Variants in FAM135A observed in about 807,000 individuals in gnomAD.
FAM135A encodes the protein protein FAM135A.
Under a neutral mutation model 146.8 loss-of-function variants are expected in FAM135A, and 79 were observed. The ratio of observed to expected loss-of-function variants is 0.54; its 90% CI spans 0.45 to 0.65. The LOEUF (loss-of-function observed/expected upper bound fraction) is 0.65. Among genes scored for constraint, FAM135A ranks in the 30% least tolerant of loss-of-function variants. The pLI is 0.00. For synonymous variants in FAM135A, 562 were observed against 603.6 expected, an observed-to-expected ratio of 0.93 and a Z score of 1.01; for missense variants, 1,623 against 1,758.2, an observed-to-expected ratio of 0.92 and a Z score of 1.38.
chr6:70,543,309 C>T (rs980936348), intron 20 of FAM135A, among the ~76,000 whole-genome samples: 1 of 152,168 alleles, frequency 6.6e-6, no homozygotes, highest in East Asian at 1.9e-4. Flanking sequence ...TTCCATTCTA[C>T]TCTTGAAATA....
At position 70,525,923 on chromosome 6, in the gene FAM135A, A is replaced by G. The variant is rs762750967; in HGVS notation, c.2839A>G (p.Met947Val). The G allele has an allele frequency of 5.0e-6, 8 of 1,613,278 alleles. No homozygotes were observed. Among genetic ancestry groups the G allele is most frequent in the African/African-American group, 4.0e-5 (3 of 74,900 alleles). Reference sequence around the variant, plus strand: ...CAGCTCCAAACCTAACTTGGATACTATGTGTAAAGGCTTCCAGAGTCCTGA... The same window carrying G: ...CAGCTCCAAACCTAACTTGGATACTGTGTGTAAAGGCTTCCAGAGTCCTGA... Reference protein sequence around the residue: ...SCSSKPNLDTMCKGFQSPDKS... With the variant: ...SCSSKPNLDTVCKGFQSPDKS... The change falls in exon 15 of 22, where the codon ATG (methionine) becomes GTG (valine). Residue 947 changes from methionine (M) to valine (V), a missense_variant. By Grantham distance (21) the Met-to-Val change is conservative (BLOSUM62 1). Around this residue, in one of 7 missense-constraint regions of FAM135A, gnomAD observed 1,061 missense variants for 1,113.8 expected, o/e 0.95. Transcript: ENST00000418814.
Position 70,475,650 on chromosome 6 carries a change from A to G in FAM135A, c.298-13A>G. The G allele has an allele frequency of 6.2e-7, 1 of 1,604,990 alleles. No individual in the cohort carries two copies. The highest frequency in any genetic ancestry group is 1.7e-5 in the Admixed American group (1 of 58,600). The stretch of plus-strand genomic sequence containing the variant: ...AATTTCAAAAAGTATCTCATAGTGT[A>G]ATTTCTTTTCAGATTGAAGAAACCC... On this transcript the variant is annotated splice_polypyrimidine_tract_variant and intron_variant, in intron 6 of 21. Coordinates refer to ENST00000418814, the MANE Select transcript of FAM135A (RefSeq NM_001162529.3).
At chr6:70,527,729 C>T (rs1451308524) in intron 15 of FAM135A, among the ~76,000 whole-genome samples, 4 of 152,122 alleles carry the variant, frequency 2.6e-5, no homozygotes, top group South Asian at 2.1e-4. Context: ...TCATTGCAAA[C>T]GAGTATATAC....
intron 9 of FAM135A, 143 bp from the exon 10 acceptor site, chr6:70,481,858 C>T: frequency 1.3e-6 from 1 of 788,116 alleles, no homozygotes; most frequent in Non-Finnish European, 1.9e-6. Context: ...ATAAACAACT[C>T]TCAAATATTA....
At chr6:70,449,392 A>G (rs1456513322) in intron 4 of FAM135A, among the ~76,000 whole-genome samples, 3 of 152,104 alleles carry the variant, frequency 2.0e-5, no homozygotes, top group Non-Finnish European at 4.4e-5. Context: ...TTTGACTAAC[A>G]TCTCCTCTTT....
At chr6:70,496,033 A>G (rs1255325539) in intron 11 of FAM135A, among the ~76,000 whole-genome samples, 2 of 151,970 alleles carry the variant, frequency 1.3e-5, no homozygotes, top group African/African-American at 4.8e-5. Flanking sequence ...TACCTAGTCT[A>G]TTGTTGATGG....
At chr6:70,506,714 T>C (rs1156782206) in intron 12 of FAM135A, among the ~76,000 whole-genome samples, 1 of 150,926 alleles carries the variant, frequency 6.6e-6, no homozygotes, top group Non-Finnish European at 1.5e-5. Flanking sequence ...TATTTTTTTC[T>C]CTTTTTTTTT....
intron 10 of FAM135A, among the ~76,000 whole-genome samples, 163 bp downstream of exon 10, chr6:70,482,317 T>C (rs1783881686): frequency 6.6e-6 from 1 of 152,182 alleles, no homozygotes; most frequent in African/African-American, 2.4e-5. Context: ...ATAATCACTT[T>C]TTGCAATTTA....
At chr6:70,472,864 C>G (rs768705373) in intron 5 of FAM135A, among the ~76,000 whole-genome samples, 5 of 152,130 alleles carry the variant, frequency 3.3e-5, no homozygotes, top group Admixed American at 1.3e-4. Flanking sequence ...GATGCTTGTT[C>G]TTCTTGTTAC....
intron 4 of FAM135A, among the ~76,000 whole-genome samples, chr6:70,430,110 GC>G (rs1771188003): frequency 6.6e-6 from 1 of 152,082 alleles, no homozygotes; most frequent in African/African-American, 2.4e-5. Context: ...GCCAAGGCGG[GC>G]AGATCACCAG....
chr6:70,523,946 G>T lies in FAM135A; in HGVS notation c.1104-21G>T. ...GTATAATTTTTCTAAATTACAATCT[G>T]ACTGAAGAAATATTTTTCAGTGCTC... On this transcript the variant is annotated intron_variant, in intron 13 of 21. Coordinates refer to ENST00000418814, the MANE Select transcript of FAM135A (RefSeq NM_001162529.3). The T allele has an allele frequency of 1.9e-6, 3 of 1,591,090 alleles. No individual in the cohort carries two copies. The South Asian group carries it at 3.5e-5, about 19-fold the overall frequency.
At chr6:70,496,334 G>T (rs115003668) in intron 11 of FAM135A, among the ~76,000 whole-genome samples, 1 of 151,910 alleles carries the variant, frequency 6.6e-6, no homozygotes, top group Non-Finnish European at 1.5e-5. Context: ...CATATCCTTC[G>T]TCCACTTTTC....
intron 4 of FAM135A, among the ~76,000 whole-genome samples, chr6:70,450,337 A>G (rs1776750145): frequency 6.6e-6 from 1 of 152,168 alleles, no homozygotes; most frequent in Non-Finnish European, 1.5e-5. Context: ...CCAAGAAATC[A>G]TAGCTCAGAA....
intron 4 of FAM135A, among the ~76,000 whole-genome samples, chr6:70,452,225 A>G (rs898555101): frequency 6.6e-6 from 1 of 152,126 alleles, no homozygotes; most frequent in Non-Finnish European, 1.5e-5. Context: ...ACAGGTTGCT[A>G]TCACATACAA....
chr6:70,447,941 A>C (rs1201912129), intron 4 of FAM135A, among the ~76,000 whole-genome samples: 1 of 152,150 alleles, frequency 6.6e-6, no homozygotes, highest in African/African-American at 2.4e-5. Context: ...CGATACCATC[A>C]CAGGCCTTGA....
chr6:70,491,045 G>A lies in FAM135A; in HGVS notation c.835G>A (p.Val279Ile), dbSNP rs189746674. The A allele has an allele frequency of 1.5e-5, 24 of 1,600,314 alleles. No individual in the cohort carries two copies. The highest frequency in any genetic ancestry group is 1.2e-4 in the Admixed American group (7 of 58,410). The change falls in exon 11 of 22, where the codon GTA (valine) becomes ATA (isoleucine). Residue 279 changes from valine to isoleucine, a missense_variant. Val to Ile is a conservative substitution (Grantham distance 29, BLOSUM62 3). Transcript: ENST00000418814. Reference sequence around the variant, plus strand: ...TTTACTCCTTCCAGAGGAAATGGATGTAGAAGCTCGACTTACTGAACTATG... The same window carrying A: ...TTTACTCCTTCCAGAGGAAATGGATATAGAAGCTCGACTTACTGAACTATG... ...CQKLELEEMD[V>I]EARLTELCEE...
chr6:70,548,457 G>A (rs951875929), intron 20 of FAM135A, among the ~76,000 whole-genome samples: 1 of 152,148 alleles, frequency 6.6e-6, no homozygotes, highest in Admixed American at 6.5e-5. Flanking sequence ...ATCTGAGAGT[G>A]AAAGGGTATC....
At chr6:70,541,136 C>G (rs1195666643) in intron 20 of FAM135A, among the ~76,000 whole-genome samples, 1 of 152,208 alleles carries the variant, frequency 6.6e-6, no homozygotes, top group Admixed American at 6.5e-5. Context: ...TATCTTTAAA[C>G]TCTTACTCTT....
chr6:70,445,989 TA>T (rs770063212), intron 4 of FAM135A, among the ~76,000 whole-genome samples: 52 of 152,354 alleles, frequency 3.4e-4, no homozygotes, highest in South Asian at 8.3e-4. Context: ...CAACACAGAT[TA>T]AAAGCACAAT....
Sources: gnomAD v4.1 joint callset for allele counts (sites outside exome capture counted in the v4.1 genomes callset) on GRCh38, gnomAD v4.1.1 for gene constraint, gnomAD v4.1.1 regional missense constraint, MANE v1.5 for transcripts, NCBI Gene and HGNC (gene_info 2026-07-23, HGNC 2026-07-21) for gene names.